Variants in ATG5 observed in about 807,000 individuals in gnomAD.
The protein encoded by ATG5 is autophagy related 5, also known as autophagy protein 5.
ATG5 carries 14 observed loss-of-function variants against 36.5 expected under a neutral mutation model. That is an observed-to-expected ratio of 0.38 (90% CI 0.25 to 0.60). The LOEUF (loss-of-function observed/expected upper bound fraction) is 0.60. Ranked by LOEUF, ATG5 falls within the 20% of genes least tolerant of loss-of-function variation. The probability of loss-of-function intolerance (pLI) is 0.60; values close to 1 mark genes in which losing one functional copy is unlikely to be tolerated. For synonymous variants in ATG5, 95 were observed against 101.5 expected (o/e 0.94, Z 0.38); for missense variants, 195 against 326.7 (o/e 0.60, Z 3.11).
chr6:106,248,046 T>C (rs2114513614), intron 6 of ATG5, 104 bp downstream of exon 6: 1 of 829,406 alleles, frequency 1.2e-6, no homozygotes, highest in Middle Eastern at 2.3e-4. Context: ...CCCTAATAAA[T>C]ACCGTTTAGT....
At chr6:106,230,937 G>T (rs672070) in intron 6 of ATG5, among the ~76,000 whole-genome samples, 1 of 152,014 alleles carries the variant, frequency 6.6e-6, no homozygotes, top group South Asian at 2.1e-4. Flanking sequence ...TCGCAATTAT[G>T]TAAAAAGTGT....
intron 4 of ATG5, among the ~76,000 whole-genome samples, chr6:106,285,711 A>C (rs1780050686): frequency 1.3e-5 from 2 of 152,366 alleles, no homozygotes. Flanking sequence ...GACAATATGT[A>C]TATGAATTTC....
intron 4 of ATG5, among the ~76,000 whole-genome samples, chr6:106,292,671 C>A (rs1157137416): frequency 1.3e-5 from 2 of 152,112 alleles, no homozygotes; most frequent in Admixed American, 1.3e-4. Context: ...TTTATAGAGG[C>A]AGGGTCTCAC....
At chr6:106,298,766 C>G (rs1057501006) in intron 3 of ATG5, among the ~76,000 whole-genome samples, 8 of 152,046 alleles carry the variant, frequency 5.3e-5, no homozygotes, top group Non-Finnish European at 1.2e-4. Flanking sequence ...GATATTAATT[C>G]CAAACAAATA....
intron 3 of ATG5, chr6:106,304,279 ATT>A (rs1200549775): frequency 6.6e-6 from 1 of 152,090 alleles, no homozygotes; most frequent in Non-Finnish European, 1.5e-5. Context: ...CCACAGTAAA[ATT>A]TTTTTAAATT....
intron 6 of ATG5, among the ~76,000 whole-genome samples, chr6:106,207,572 A>G (rs989270015): frequency 6.6e-6 from 1 of 152,132 alleles, no homozygotes; most frequent in African/African-American, 2.4e-5. Flanking sequence ...ATGAAATGCA[A>G]AGAAAAAGTC....
intron 3 of ATG5, among the ~76,000 whole-genome samples, chr6:106,304,625 A>C (rs1770361405): frequency 6.6e-6 from 1 of 152,218 alleles, no homozygotes; most frequent in African/African-American, 2.4e-5. Context: ...GAAAAAGGTA[A>C]AACAACTGAG....
In ATG5 at chr6:106,307,319, A is replaced by AT. The variant is rs1022263811; in HGVS notation, c.236+1044dup. 7.9e-5 allele frequency among the ~76,000 whole-genome samples: 12 copies of AT among 151,906 alleles called. 1 individual carries two copies. The highest frequency in any genetic ancestry group is 7.2e-4 in the Admixed American group (11 of 15,250). On this transcript the variant is annotated intron_variant, in intron 3 of 7. Transcript: ENST00000369076. ...TTCATTTAAATCTGTCTTAGCCTGT[A>AT]TTTTTTTCATTCAACTGTATCCAAA...
intron 5 of ATG5, among the ~76,000 whole-genome samples, chr6:106,274,383 T>C (rs1408864438): frequency 6.6e-6 from 1 of 152,214 alleles, no homozygotes; most frequent in East Asian, 1.9e-4. Flanking sequence ...TAAATGAGTT[T>C]TCTTGGTTTC....
rs78721752 is a variant in ATG5 at position 106,298,627 on chromosome 6, T to C, written c.237-5521A>G. 2.0e-5 allele frequency among the ~76,000 whole-genome samples: 3 copies of C among 152,306 alleles called. No individual in the cohort carries two copies. In the East Asian group the frequency reaches 5.8e-4, roughly 29 times the overall value. On this transcript the variant is annotated intron_variant, in intron 3 of 7. Transcript: ENST00000369076. The stretch of plus-strand genomic sequence containing the variant: ...AAATGAATAATCATCCTGTTATGAT[T>C]TTTTAAAAATAAAAATGAACCAGAA...
chr6:106,234,157 G>A (rs1777797503), intron 6 of ATG5, among the ~76,000 whole-genome samples: 1 of 152,076 alleles, frequency 6.6e-6, no homozygotes, highest in Admixed American at 6.5e-5. Context: ...AACATGTAAA[G>A]GAAGTAACCT....
intron 6 of ATG5, among the ~76,000 whole-genome samples, chr6:106,213,286 T>C (rs1243041761): frequency 2.6e-5 from 4 of 152,190 alleles, no homozygotes; most frequent in East Asian, 1.9e-4. Context: ...CAAAGCACTA[T>C]GAAAAAAATT....
intron 6 of ATG5, among the ~76,000 whole-genome samples, chr6:106,211,714 C>G (rs1355848427): frequency 6.6e-6 from 1 of 152,080 alleles, no homozygotes; most frequent in Non-Finnish European, 1.5e-5. Flanking sequence ...CTCAGGATCT[C>G]CCAAAGACCC....
chr6:106,225,587 T>G (rs1777423386), intron 6 of ATG5, among the ~76,000 whole-genome samples: 2 of 152,166 alleles, frequency 1.3e-5, no homozygotes. Context: ...ATATCATCAG[T>G]AATAGCAGAG....
intron 6 of ATG5, among the ~76,000 whole-genome samples, chr6:106,234,040 G>C (rs921036002): frequency 6.6e-6 from 1 of 152,134 alleles, no homozygotes; most frequent in Admixed American, 6.5e-5. Context: ...CAGGGAAAAT[G>C]ATTAATCCTA....
chr6:106,228,352 C>T (rs1777530145), intron 6 of ATG5, among the ~76,000 whole-genome samples: 1 of 152,160 alleles, frequency 6.6e-6, no homozygotes, highest in Non-Finnish European at 1.5e-5. Context: ...TCCAGTGAGA[C>T]GCCCATTGCC....
At chr6:106,265,545 T>G (rs1779194532) in intron 5 of ATG5, among the ~76,000 whole-genome samples, 1 of 152,170 alleles carries the variant, frequency 6.6e-6, no homozygotes, top group South Asian at 2.1e-4. Context: ...ATCAACAGAA[T>G]ACACATTCTT....
intron 3 of ATG5, among the ~76,000 whole-genome samples, chr6:106,299,127 C>T (rs1431384835): frequency 6.6e-6 from 1 of 152,150 alleles, no homozygotes; most frequent in Non-Finnish European, 1.5e-5. Context: ...ACGGTCCACC[C>T]TTGGTACGTG....
At chr6:106,294,858 A>G (rs1219035335) in intron 3 of ATG5, among the ~76,000 whole-genome samples, 1 of 151,620 alleles carries the variant, frequency 6.6e-6, no homozygotes, top group East Asian at 1.9e-4. Flanking sequence ...AAAAAAAAAA[A>G]AAAGAATTTA....
Sources: gnomAD v4.1 joint callset for allele counts (sites outside exome capture counted in the v4.1 genomes callset) on GRCh38, gnomAD v4.1.1 for gene constraint, MANE v1.5 for transcripts, NCBI Gene and HGNC (gene_info 2026-07-23, HGNC 2026-07-21) for gene names.